Variants in BNC2 observed in about 807,000 individuals in gnomAD.
The protein encoded by BNC2 is basonuclin zinc finger protein 2.
BNC2 carries 20 observed loss-of-function variants against 76.3 expected under a neutral mutation model. The observed-to-expected ratio is 0.26, with a 90% CI of 0.18 to 0.38. BNC2 has a LOEUF of 0.38. Ranked by LOEUF, BNC2 falls within the 10% of genes least tolerant of loss-of-function variation. BNC2 has a pLI of 1.00. For synonymous variants in BNC2, 582 were observed against 514.8 expected (o/e 1.13, Z -1.77); for missense variants, 1,382 against 1,399.8 (o/e 0.99, Z 0.20).
intron 1 of BNC2, among the ~76,000 whole-genome samples, chr9:16,756,876 A>T (rs1825398235): frequency 6.6e-6 from 1 of 152,086 alleles, no homozygotes. Context: ...CTGTAGTCCC[A>T]GCTACTCGGG....
intron 3 of BNC2, among the ~76,000 whole-genome samples, chr9:16,634,783 G>A (rs533821912): frequency 6.6e-6 from 1 of 152,200 alleles, no homozygotes; most frequent in Admixed American, 6.5e-5. Context: ...TTACAGGCGT[G>A]AACAACCGCG....
chr9:16,546,270 TG>T (rs1818479781), intron 5 of BNC2, among the ~76,000 whole-genome samples: 1 of 152,216 alleles, frequency 6.6e-6, no homozygotes, highest in African/African-American at 2.4e-5. Flanking sequence ...TAGAGAGGTA[TG>T]GGGAGTTATC....
intron 5 of BNC2, among the ~76,000 whole-genome samples, chr9:16,451,684 C>G (rs1286572647): frequency 2.0e-5 from 3 of 152,162 alleles, no homozygotes; most frequent in Non-Finnish European, 2.9e-5. Flanking sequence ...AAATTAACCT[C>G]TCCATGAAAT....
intron 6 of BNC2, chr9:16,435,151 A>G (rs1311440456): frequency 2.3e-6 from 1 of 438,118 alleles, no homozygotes; most frequent in Non-Finnish European, 4.6e-6. Flanking sequence ...TTTAATTAAA[A>G]AGCCACATGG....
chr9:16,463,996 A>C (rs1335988243), intron 5 of BNC2, among the ~76,000 whole-genome samples: 3 of 151,626 alleles, frequency 2.0e-5, no homozygotes, highest in Admixed American at 2.0e-4. Context: ...CTTGAGGCTG[A>C]AACAAGAGAA....
At chr9:16,484,469 G>T (rs1822119845) in intron 5 of BNC2, among the ~76,000 whole-genome samples, 1 of 152,170 alleles carries the variant, frequency 6.6e-6, no homozygotes, top group Non-Finnish European at 1.5e-5. Context: ...ATTGTTGGCT[G>T]CCAGCATAAC....
chr9:16,525,669 A>C (rs1817777117), intron 5 of BNC2, among the ~76,000 whole-genome samples: 1 of 152,266 alleles, frequency 6.6e-6, no homozygotes, highest in East Asian at 1.9e-4. Context: ...CAGCTGTTAA[A>C]AAAGAATGAG....
At chr9:16,505,979 A>T (rs553828771) in intron 5 of BNC2, among the ~76,000 whole-genome samples, 1 of 152,192 alleles carries the variant, frequency 6.6e-6, no homozygotes, top group East Asian at 1.9e-4. Flanking sequence ...AATAAAAAGC[A>T]TAATTGTAGC....
chr9:16,481,320 G>C (rs564538471), intron 5 of BNC2, among the ~76,000 whole-genome samples: 2 of 151,088 alleles, frequency 1.3e-5, no homozygotes, highest in East Asian at 1.9e-4. Context: ...CAACCCGCTC[G>C]GGTCCCCTTC....
At chr9:16,471,491 A>G (rs1821824019) in intron 5 of BNC2, among the ~76,000 whole-genome samples, 1 of 151,954 alleles carries the variant, frequency 6.6e-6, no homozygotes, top group South Asian at 2.1e-4. Flanking sequence ...ACAGGGTTTC[A>G]CTATGTTGGC....
chr9:16,589,655 C>T (rs1334804582), intron 3 of BNC2, among the ~76,000 whole-genome samples: 1 of 151,888 alleles, frequency 6.6e-6, no homozygotes, highest in South Asian at 2.1e-4. Flanking sequence ...ATTACATGCA[C>T]GCACCACCAC....
intron 5 of BNC2, among the ~76,000 whole-genome samples, chr9:16,521,646 C>G (rs1308265471): frequency 6.6e-6 from 1 of 152,094 alleles, no homozygotes; most frequent in Non-Finnish European, 1.5e-5. Context: ...GGTTTTTTGA[C>G]ATGTATTTTA....
chr9:16,735,395 TTAAAA>T (rs1249272957), intron 2 of BNC2, among the ~76,000 whole-genome samples: 1 of 3,978 alleles, frequency 2.5e-4, no homozygotes, highest in Non-Finnish European at 6.4e-4. Context: ...TTAAATGAAT[TTAAAA>T]AAAAAAAAAA....
chr9:16,848,249 C>A (rs751428556), intron 1 of BNC2, among the ~76,000 whole-genome samples: 1 of 152,200 alleles, frequency 6.6e-6, no homozygotes, highest in Non-Finnish European at 1.5e-5. Flanking sequence ...GACTTCAAGT[C>A]TGACAGCTTC....
At chr9:16,545,818 G>C (rs377750891) in intron 5 of BNC2, among the ~76,000 whole-genome samples, 4 of 152,012 alleles carry the variant, frequency 2.6e-5, no homozygotes, top group African/African-American at 9.7e-5. Flanking sequence ...CTTCTCTCAG[G>C]GTTGCCACCT....
At chr9:16,763,162 C>T (rs768838565) in intron 1 of BNC2, among the ~76,000 whole-genome samples, 7 of 152,188 alleles carry the variant, frequency 4.6e-5, no homozygotes, top group African/African-American at 7.2e-5. Context: ...TCCATTTAAA[C>T]CTTGTTAGCA....
At chr9:16,622,805 A>G (rs571660247) in intron 3 of BNC2, among the ~76,000 whole-genome samples, 9 of 152,250 alleles carry the variant, frequency 5.9e-5, no homozygotes, top group Non-Finnish European at 1.0e-4. Flanking sequence ...GGTAATTACA[A>G]AGGGCTAAGG....
At chr9:16,495,478 G>C (rs921484120) in intron 5 of BNC2, among the ~76,000 whole-genome samples, 2 of 152,158 alleles carry the variant, frequency 1.3e-5, no homozygotes, top group African/African-American at 4.8e-5. Context: ...TGGTTCCTGG[G>C]TTGCCTGTAA....
chr9:16,523,488 C>CA lies in BNC2; in HGVS notation c.669+29041dup, dbSNP rs1401735555. Among the ~76,000 whole-genome samples the CA allele has an allele frequency of 2.5e-3, 281 of 114,282 alleles. 2 individuals carry two copies. Among genetic ancestry groups the CA allele is most frequent in the African/African-American group, 0.012 (265 of 22,354 alleles). The allele number at this position is 114,282 out of a possible 152,430, so 75.0% of individuals were successfully genotyped here. A position where few individuals can be genotyped will look rare whatever the true frequency, so the allele number is the denominator to read the frequency against. On this transcript the variant is annotated intron_variant, in intron 5 of 6. Transcript: ENST00000380672. ...CCCGTCTCAAAACAAAAAAAAAAAA[C>CA]AAAACAAAAAAAAACAATTAATGTC...
Sources: gnomAD v4.1 joint callset for allele counts (sites outside exome capture counted in the v4.1 genomes callset) on GRCh38, gnomAD v4.1.1 for gene constraint, MANE v1.5 for transcripts, NCBI Gene and HGNC (gene_info 2026-07-23, HGNC 2026-07-21) for gene names.